SOX6: variants seen among roughly 807,000 people sequenced by gnomAD.
SOX6 encodes the protein transcription factor SOX-6.
In SOX6, 11 loss-of-function variants were observed where a neutral mutation model predicts 97.8. The ratio of observed to expected loss-of-function variants is 0.11; its 90% CI spans 0.07 to 0.19. The LOEUF is 0.19. Ranked by LOEUF, SOX6 falls within the 10% of genes least tolerant of loss-of-function variation. The pLI is 1.00. For synonymous variants in SOX6, 360 were observed against 371.4 expected (o/e 0.97, Z 0.35); for missense variants, 810 against 1,039.5 (o/e 0.78, Z 3.04).
At chr11:16,491,965 T>C (rs4130469) in intron 4 of SOX6, among the ~76,000 whole-genome samples, 27,915 of 152,036 alleles carry the variant, frequency 0.18, 2,619 homozygotes, top group African/African-American at 0.23. Context: ...CTTAAAGTTA[T>C]ATAAAATGAT....
intron 3 of SOX6, among the ~76,000 whole-genome samples, chr11:16,671,259 C>T (rs998452631): frequency 3.9e-5 from 6 of 152,140 alleles, no homozygotes; most frequent in African/African-American, 9.7e-5. Context: ...CTCCAAATGA[C>T]CACACCAGTT....
At chr11:16,527,872 T>C (rs1273377600) in intron 4 of SOX6, among the ~76,000 whole-genome samples, 1 of 151,886 alleles carries the variant, frequency 6.6e-6, no homozygotes, top group Non-Finnish European at 1.5e-5. Flanking sequence ...ACTTCGGGAG[T>C]CATTGTGACG....
chr11:16,453,256 A>C (rs986561202), intron 1 of SOX6, among the ~76,000 whole-genome samples: 2 of 152,046 alleles, frequency 1.3e-5, no homozygotes, highest in African/African-American at 4.8e-5. Flanking sequence ...GGAAAATGGG[A>C]CTGTTATTAT....
chr11:16,059,613 G>A (rs183556942), intron 9 of SOX6, among the ~76,000 whole-genome samples: 7 of 152,068 alleles, frequency 4.6e-5, no homozygotes, highest in Non-Finnish European at 8.8e-5. Context: ...CATGATTGTT[G>A]CTTTCTTTGG....
chr11:16,374,825 G>C (rs1316909728), intron 1 of SOX6, among the ~76,000 whole-genome samples: 1 of 151,914 alleles, frequency 6.6e-6, no homozygotes, highest in East Asian at 1.9e-4. Flanking sequence ...ACTTAAATAG[G>C]AAAGAGCAGG....
Position 16,671,396 on chromosome 11 carries a change from T to C in SOX6, n.429+43434A>G, listed in dbSNP as rs549416690. ...AAAACCCAATCCAAGAAAACAAGAA[T>C]TGCAATAAAGTGATACAGGAGCTGA... On this transcript the variant is annotated intron_variant and non_coding_transcript_variant, in intron 3 of 5. Transcript: ENST00000524520. Among the ~76,000 whole-genome samples, 3 of 152,138 alleles carry C rather than the reference T, an allele frequency of 2.0e-5. No individual in the cohort carries two copies. In the East Asian group the frequency reaches 5.8e-4, roughly 29 times the overall value.
chr11:16,481,287 T>C (rs1046431115), upstream of SOX6, among the ~76,000 whole-genome samples: 1 of 152,172 alleles, frequency 6.6e-6, no homozygotes, highest in African/African-American at 2.4e-5. Flanking sequence ...TGACTTTCAG[T>C]AGGACTGACA....
intron 11 of SOX6, among the ~76,000 whole-genome samples, chr11:16,047,430 G>T (rs1855868403): frequency 6.6e-6 from 1 of 151,908 alleles, no homozygotes; most frequent in South Asian, 2.1e-4. Context: ...GTGTGGGACT[G>T]GTTTTCGCAT....
chr11:16,695,812 AC>A (rs1481140941), intron 3 of SOX6, among the ~76,000 whole-genome samples: 2 of 151,346 alleles, frequency 1.3e-5, no homozygotes, highest in Admixed American at 6.6e-5. Flanking sequence ...ACATGGTGAG[AC>A]CCCGTCTCTA....
At chr11:16,140,589 C>T (rs1443174801) in intron 6 of SOX6, among the ~76,000 whole-genome samples, 1 of 152,092 alleles carries the variant, frequency 6.6e-6, no homozygotes, top group Non-Finnish European at 1.5e-5. Context: ...CAGTGTCTGG[C>T]AGATAAGACC....
intron 4 of SOX6, among the ~76,000 whole-genome samples, chr11:16,483,653 G>A (rs1159596245): frequency 1.3e-5 from 2 of 150,110 alleles, no homozygotes; most frequent in African/African-American, 4.9e-5. Flanking sequence ...AGTGACACAG[G>A]CTATACTACA....
At chr11:16,380,582 C>T (rs1296782671) in intron 1 of SOX6, among the ~76,000 whole-genome samples, 2 of 152,160 alleles carry the variant, frequency 1.3e-5, no homozygotes, top group South Asian at 2.1e-4. Flanking sequence ...TAACTTCTTA[C>T]TGCCAAAACA....
chr11:16,188,553 A>T (rs1851544681), intron 4 of SOX6, among the ~76,000 whole-genome samples: 1 of 152,216 alleles, frequency 6.6e-6, no homozygotes, highest in Non-Finnish European at 1.5e-5. Context: ...CTTGAAAAGG[A>T]CAAAAAGTTC....
chr11:16,217,150 C>T (rs1472174155), intron 4 of SOX6, among the ~76,000 whole-genome samples: 2 of 152,138 alleles, frequency 1.3e-5, no homozygotes, highest in African/African-American at 2.4e-5. Flanking sequence ...TTTATGCTCC[C>T]TTGATGTTAC....
chr11:16,385,406 A>T (rs1314821036), intron 1 of SOX6, among the ~76,000 whole-genome samples: 1 of 152,102 alleles, frequency 6.6e-6, no homozygotes, highest in Non-Finnish European at 1.5e-5. Context: ...TAATAAAAAG[A>T]GGGTAAGTTT....
chr11:16,280,666 T>C (rs563856214), intron 3 of SOX6, among the ~76,000 whole-genome samples: 2 of 152,116 alleles, frequency 1.3e-5, no homozygotes, highest in Non-Finnish European at 2.9e-5. Flanking sequence ...TGTTTCCCTA[T>C]AGACCATGAG....
intron 1 of SOX6, among the ~76,000 whole-genome samples, chr11:16,473,137 A>T (rs1321281694): frequency 6.6e-6 from 1 of 152,204 alleles, no homozygotes; most frequent in Non-Finnish European, 1.5e-5. Flanking sequence ...TATAAAAAGT[A>T]CCTTTGTTCT....
chr11:16,320,295 A>C (rs1022738439), intron 2 of SOX6, among the ~76,000 whole-genome samples: 11 of 152,174 alleles, frequency 7.2e-5, no homozygotes, highest in Non-Finnish European at 1.6e-4. Context: ...CCCAGTAAGA[A>C]TCAAGAACTT....
At chr11:16,175,417 T>G (rs1456911098) in intron 6 of SOX6, among the ~76,000 whole-genome samples, 1 of 151,966 alleles carries the variant, frequency 6.6e-6, no homozygotes, top group South Asian at 2.1e-4. Context: ...TAACTTGTCT[T>G]ACAGCTACTA....
Sources: allele counts gnomAD v4.1 joint callset (sites outside exome capture counted in the v4.1 genomes callset), GRCh38; gene constraint gnomAD v4.1.1; transcripts MANE v1.5; gene names NCBI Gene and HGNC (gene_info 2026-07-23, HGNC 2026-07-21).